PTPRR: variants seen among roughly 807,000 people sequenced by gnomAD.
PTPRR encodes the protein receptor-type tyrosine-protein phosphatase R.
PTPRR carries 38 observed loss-of-function variants against 77.2 expected under a neutral mutation model. The observed-to-expected ratio is 0.49, with a 90% CI of 0.38 to 0.65. PTPRR has a LOEUF of 0.65. Ranked by LOEUF, PTPRR falls within the 30% of genes least tolerant of loss-of-function variation. PTPRR has a pLI of 0.00. For synonymous variants in PTPRR, 299 were observed against 283.1 expected, an observed-to-expected ratio of 1.06 and a Z score of -0.57; for missense variants, 744 against 799.2, an observed-to-expected ratio of 0.93 and a Z score of 0.83.
intron 8 of PTPRR, among the ~76,000 whole-genome samples, chr12:70,688,050 C>T (rs1295330129): frequency 6.6e-6 from 1 of 152,164 alleles, no homozygotes; most frequent in Non-Finnish European, 1.5e-5. Context: ...TGGTCAGGGG[C>T]AGACTGACCC....
At chr12:70,816,530 C>A (rs1891905689) in intron 2 of PTPRR, among the ~76,000 whole-genome samples, 2 of 151,996 alleles carry the variant, frequency 1.3e-5, no homozygotes, top group East Asian at 1.9e-4. Flanking sequence ...TTTTATTTGG[C>A]TCCTTAAAAT....
intron 10 of PTPRR, chr12:70,672,363 TC>T (rs1566058418): frequency 7.2e-7 from 1 of 1,394,532 alleles, no homozygotes. Flanking sequence ...GAGATGGTCC[TC>T]CCATCAGAGA....
chr12:70,920,489 G>A lies in PTPRR; in HGVS notation c.-99C>T. The A allele has an allele frequency of 3.4e-6, 4 of 1,182,882 alleles. No individual in the cohort carries two copies. The highest frequency in any genetic ancestry group is 1.3e-5 in the South Asian group (1 of 76,886). The allele number at this position is 1,182,882 out of a possible 1,614,324, so 73.3% of individuals were successfully genotyped here. A position where few individuals can be genotyped will look rare whatever the true frequency, so the allele number is the denominator to read the frequency against. ...CACCGCCAAGGGTCTTCTAGTCTCC[G>A]GGATTCAGGTCCTCGGCTGGGGTTT... On this transcript the variant is annotated 5_prime_UTR_variant, in exon 1 of 14. Coordinates refer to ENST00000283228, the MANE Select transcript of PTPRR (RefSeq NM_002849.4).
chr12:70,754,141 T>C, intron 5 of PTPRR, 50 bp downstream of exon 5: 1 of 1,534,434 alleles, frequency 6.5e-7, no homozygotes, highest in Non-Finnish European at 8.9e-7. Context: ...CCCACTAATA[T>C]CAAGCAGTGG....
intron 13 of PTPRR, among the ~76,000 whole-genome samples, chr12:70,646,033 C>G (rs1051509882): frequency 6.6e-6 from 1 of 152,214 alleles, no homozygotes; most frequent in Non-Finnish European, 1.5e-5. Flanking sequence ...AGAAATTCTG[C>G]AGTGATGACT....
intron 2 of PTPRR, among the ~76,000 whole-genome samples, chr12:70,852,496 G>A (rs1892587564): frequency 6.6e-6 from 1 of 152,094 alleles, no homozygotes; most frequent in African/African-American, 2.4e-5. Context: ...TTTATACCCT[G>A]ATTATTATCA....
intron 2 of PTPRR, among the ~76,000 whole-genome samples, chr12:70,806,978 C>T (rs1488817257): frequency 6.6e-6 from 1 of 152,196 alleles, no homozygotes; most frequent in African/African-American, 2.4e-5. Flanking sequence ...TTTCTGCAGC[C>T]TTCCTTACAG....
intron 2 of PTPRR, among the ~76,000 whole-genome samples, chr12:70,814,052 C>T (rs1891856921): frequency 6.6e-6 from 1 of 152,152 alleles, no homozygotes; most frequent in Non-Finnish European, 1.5e-5. Context: ...TTCAGAATGA[C>T]TTAGGCAAAA....
intron 1 of PTPRR, among the ~76,000 whole-genome samples, chr12:70,910,271 T>C (rs555573087): frequency 4.2e-4 from 64 of 152,296 alleles, no homozygotes; most frequent in African/African-American, 9.4e-4. Context: ...TGGGAGAAGA[T>C]GGGATTCGAA....
intron 7 of PTPRR, among the ~76,000 whole-genome samples, chr12:70,700,920 C>T (rs1272955440): frequency 6.6e-6 from 1 of 152,126 alleles, no homozygotes. Flanking sequence ...ACTTATTTGC[C>T]TCACCAATTC....
intron 1 of PTPRR, among the ~76,000 whole-genome samples, chr12:70,913,812 A>AC: frequency 6.6e-6 from 1 of 152,316 alleles, no homozygotes; most frequent in Non-Finnish European, 1.5e-5. Context: ...TCTCTTGGTC[A>AC]ATGTAAATTA....
At chr12:70,678,247 G>T (rs1004240241) in intron 10 of PTPRR, among the ~76,000 whole-genome samples, 1 of 152,162 alleles carries the variant, frequency 6.6e-6, no homozygotes, top group African/African-American at 2.4e-5. Flanking sequence ...CACCATGTTG[G>T]CTGGGCTGGT....
At chr12:70,756,132 AT>A (rs11318283) in intron 4 of PTPRR, among the ~76,000 whole-genome samples, 1,761 of 151,140 alleles carry the variant, frequency 0.012, 38 homozygotes, top group African/African-American at 0.04. Flanking sequence ...GATTTGGTTC[AT>A]TTTTTTTTCT....
At chr12:70,753,080 T>C (rs986032053) in intron 5 of PTPRR, among the ~76,000 whole-genome samples, 1 of 152,202 alleles carries the variant, frequency 6.6e-6, no homozygotes, top group African/African-American at 2.4e-5. Flanking sequence ...GAATTCATTA[T>C]GGTGGAAGAT....
intron 13 of PTPRR, among the ~76,000 whole-genome samples, chr12:70,651,349 A>T (rs577083372): frequency 6.6e-6 from 1 of 152,354 alleles, no homozygotes; most frequent in African/African-American, 2.4e-5. Flanking sequence ...TCCCATCTCC[A>T]GATTCAATAA....
chr12:70,917,324 T>C (rs1242896746), intron 1 of PTPRR, among the ~76,000 whole-genome samples: 3 of 152,190 alleles, frequency 2.0e-5, no homozygotes, highest in African/African-American at 7.2e-5. Context: ...TCACCTATTG[T>C]AGAACCAGTG....
intron 2 of PTPRR, among the ~76,000 whole-genome samples, chr12:70,843,691 T>C (rs1404527639): frequency 1.3e-5 from 2 of 152,174 alleles, no homozygotes; most frequent in Non-Finnish European, 2.9e-5. Context: ...GTAATTGATG[T>C]AATTTAAGAA....
chr12:70,770,910 A>C (rs1004605026), intron 2 of PTPRR, among the ~76,000 whole-genome samples: 1 of 150,516 alleles, frequency 6.6e-6, no homozygotes, highest in African/African-American at 2.4e-5. Flanking sequence ...AAGAACAAAA[A>C]ACCAAACACC....
chr12:70,688,558 T>C (rs964119095), intron 8 of PTPRR, among the ~76,000 whole-genome samples: 3 of 152,144 alleles, frequency 2.0e-5, no homozygotes, highest in African/African-American at 7.2e-5. Context: ...GGCAAGGTTG[T>C]GAAGAAAAGG....
Sources: gnomAD v4.1 joint callset for allele counts (sites outside exome capture counted in the v4.1 genomes callset) on GRCh38, gnomAD v4.1.1 for gene constraint, MANE v1.5 for transcripts, NCBI Gene and HGNC (gene_info 2026-07-23, HGNC 2026-07-21) for gene names.